The following GRIA3 variants were observed in gnomAD, a reference collection of about 807,000 sequenced individuals.
GRIA3 encodes the protein glutamate receptor 3.
In GRIA3, 3 loss-of-function variants were observed where a neutral mutation model predicts 63.0. The ratio of observed to expected loss-of-function variants is 0.05; its 90% CI spans 0.02 to 0.12. The LOEUF is 0.12. Among genes scored for constraint, GRIA3 ranks in the 10% least tolerant of loss-of-function variants. The pLI is 1.00. For synonymous variants in GRIA3, 274 were observed against 257.9 expected (o/e 1.06, Z -0.60); for missense variants, 347 against 700.9 (o/e 0.50, Z 5.70).
intron 12 of GRIA3, among the ~76,000 whole-genome samples, chrX:123,448,326 G>C (rs957202042): frequency 5.4e-5 from 6 of 111,763 alleles, no homozygotes; most frequent in African/African-American, 2.0e-4. Flanking sequence ...AGCTATTCCA[G>C]AGCTACATAC....
At chrX:123,276,943 T>C (rs1326346317) in intron 3 of GRIA3, among the ~76,000 whole-genome samples, 1 of 111,699 alleles carries the variant, frequency 9.0e-6, no homozygotes, top group Non-Finnish European at 1.9e-5. Context: ...ATTACCCACA[T>C]TGCAAATTTC....
At chrX:123,348,655 A>G (rs1304410487) in intron 4 of GRIA3, among the ~76,000 whole-genome samples, 4 of 111,952 alleles carry the variant, frequency 3.6e-5, no homozygotes, top group Non-Finnish European at 5.6e-5. Context: ...TAAAGTATTT[A>G]CTGTTGGACC....
intron 3 of GRIA3, among the ~76,000 whole-genome samples, chrX:123,257,112 T>C (rs989391085): frequency 9.0e-6 from 1 of 111,123 alleles, no homozygotes. Context: ...AACCCTTCTG[T>C]CCATGTCATT....
chrX:123,194,397 G>T (rs905982869), intron 2 of GRIA3, among the ~76,000 whole-genome samples: 1 of 111,685 alleles, frequency 9.0e-6, no homozygotes, highest in Admixed American at 9.5e-5. Context: ...GATGGGAAGG[G>T]ATCAGGATGC....
chrX:123,272,185 T>C (rs2044528129), intron 3 of GRIA3, among the ~76,000 whole-genome samples: 1 of 111,311 alleles, frequency 9.0e-6, no homozygotes, highest in Non-Finnish European at 1.9e-5. Flanking sequence ...GTAGGTATAG[T>C]CAGTCTGTAG....
At chrX:123,256,840 GT>G (rs1409931636) in intron 3 of GRIA3, among the ~76,000 whole-genome samples, 1 of 112,276 alleles carries the variant, frequency 8.9e-6, no homozygotes, top group African/African-American at 3.2e-5. Flanking sequence ...CAGATGAGAA[GT>G]GATGGCAGCT....
intron 13 of GRIA3, among the ~76,000 whole-genome samples, chrX:123,467,628 C>T (rs1046114427): frequency 8.9e-6 from 1 of 112,079 alleles, no homozygotes; most frequent in East Asian, 2.8e-4. Context: ...ATTGCTCTCA[C>T]GAATTCATCA....
At chrX:123,220,993 G>A (rs940965066) in intron 2 of GRIA3, among the ~76,000 whole-genome samples, 1 of 112,081 alleles carries the variant, frequency 8.9e-6, no homozygotes, top group African/African-American at 3.2e-5. Flanking sequence ...GTAGATATTA[G>A]TTGTGGCATG....
intron 12 of GRIA3, among the ~76,000 whole-genome samples, chrX:123,429,679 A>T (rs1349164846): frequency 8.9e-6 from 1 of 111,942 alleles, no homozygotes; most frequent in Non-Finnish European, 1.9e-5. Context: ...GCTTATGATA[A>T]CCATCCCAAT....
At chrX:123,287,864 C>T (rs2044630658) in intron 3 of GRIA3, among the ~76,000 whole-genome samples, 1 of 111,745 alleles carries the variant, frequency 8.9e-6, no homozygotes, top group African/African-American at 3.2e-5. Flanking sequence ...AGATTTAATG[C>T]TATCCCCATC....
chrX:123,328,282 GA>G (rs1226011801), intron 4 of GRIA3, among the ~76,000 whole-genome samples: 2 of 111,626 alleles, frequency 1.8e-5, no homozygotes, highest in Non-Finnish European at 3.8e-5. Flanking sequence ...AAATGCTACA[GA>G]AAAAACAATC....
At chrX:123,299,845 A>G (rs1021627167) in intron 3 of GRIA3, among the ~76,000 whole-genome samples, 1 of 111,490 alleles carries the variant, frequency 9.0e-6, no homozygotes, top group African/African-American at 3.3e-5. Context: ...TTTCCCATTC[A>G]GTATGACATT....
At chrX:123,316,421 T>C (rs2044831749) in intron 3 of GRIA3, among the ~76,000 whole-genome samples, 1 of 112,527 alleles carries the variant, frequency 8.9e-6, no homozygotes, top group Non-Finnish European at 1.9e-5. Flanking sequence ...AGTACTCTCA[T>C]AACCTGCTAA....
rs141176537 is a variant in GRIA3, at chrX:123,429,435, T to G, written c.2076+1296T>G. Among the ~76,000 whole-genome samples the G allele has an allele frequency of 8.9e-5, 10 of 111,992 alleles. No individual in the cohort carries two copies. The East Asian group carries it at 2.8e-3, about 32-fold the overall frequency. ...TACCACCTGTTTACTGACCAGATCA[T>G]AATCCCCAACTGGGAGGAGGGGTCC... On this transcript the variant is annotated intron_variant, in intron 12 of 15. Coordinates refer to ENST00000620443, the MANE Select transcript of GRIA3 (RefSeq NM_007325.5).
At chrX:123,332,639 C>A (rs1417225987) in intron 4 of GRIA3, among the ~76,000 whole-genome samples, 5 of 111,154 alleles carry the variant, frequency 4.5e-5, no homozygotes, top group Non-Finnish European at 9.4e-5. Flanking sequence ...CTTCTTGATA[C>A]CCTCATATCT....
chrX:123,211,439 G>A lies in GRIA3; in HGVS notation c.268+25449G>A, dbSNP rs144805757. The stretch of plus-strand genomic sequence containing the variant: ...ATGAGAAGGTCAGAAAAAGTAAATT[G>A]TTAGTGTACAAAATAGAAAATGCCT... On this transcript the variant is annotated intron_variant, in intron 2 of 15. Transcript: ENST00000620443. 2.4e-4 allele frequency among the ~76,000 whole-genome samples: 27 copies of A among 111,906 alleles called. No individual in the cohort carries two copies. The East Asian group carries it at 7.3e-3, about 30-fold the overall frequency.
At position 123,365,945 on chromosome X, in the gene GRIA3, G is replaced by C. The variant is rs745857738; in HGVS notation, c.750+10982G>C. The stretch of plus-strand genomic sequence containing the variant: ...TTTCTTGATTACATGTTAAACAAGG[G>C]GTGGATTATTCATGAGTTTTCTGGG... On this transcript the variant is annotated intron_variant, in intron 5 of 15. Coordinates refer to ENST00000620443, the MANE Select transcript of GRIA3 (RefSeq NM_007325.5). Among the ~76,000 whole-genome samples the C allele has an allele frequency of 5.5e-4, 62 of 111,838 alleles. No individual in the cohort carries two copies. The Middle Eastern group carries it at 0.019, about 34-fold the overall frequency.
At chrX:123,448,869 C>G (rs1367069073) in intron 12 of GRIA3, among the ~76,000 whole-genome samples, 2 of 111,953 alleles carry the variant, frequency 1.8e-5, no homozygotes, top group African/African-American at 3.2e-5. Flanking sequence ...TGGGGAGAAA[C>G]TAAGTGCTTA....
At chrX:123,236,156 A>G (rs1040728948) in intron 2 of GRIA3, among the ~76,000 whole-genome samples, 2 of 111,746 alleles carry the variant, frequency 1.8e-5, no homozygotes, top group Admixed American at 1.9e-4. Context: ...TTTACCCTCA[A>G]ATATCATTGC....
Sources: allele counts gnomAD v4.1 joint callset (sites outside exome capture counted in the v4.1 genomes callset), GRCh38; gene constraint gnomAD v4.1.1; transcripts MANE v1.5; gene names NCBI Gene and HGNC (gene_info 2026-07-23, HGNC 2026-07-21).